SKAP1: variants seen among roughly 807,000 people sequenced by gnomAD.
SKAP1 encodes src kinase associated phosphoprotein 1, also known as src kinase-associated phosphoprotein 1.
A neutral mutation model predicts 58.5 loss-of-function variants in SKAP1; 44 were observed. The observed-to-expected ratio is 0.75, with a 90% CI of 0.59 to 0.97. The LOEUF is 0.97. Ranked by LOEUF, SKAP1 falls within the 50% of genes least tolerant of loss-of-function variation. SKAP1 has a pLI of 0.00. For synonymous variants in SKAP1, 127 were observed against 149.7 expected, an observed-to-expected ratio of 0.85 and a Z score of 1.11; for missense variants, 390 against 435.2, an observed-to-expected ratio of 0.90 and a Z score of 0.92.
intron 11 of SKAP1, among the ~76,000 whole-genome samples, chr17:48,155,230 C>T (rs974640287): frequency 4.0e-5 from 6 of 151,450 alleles, no homozygotes; most frequent in Non-Finnish European, 5.9e-5. Context: ...CGGGTTCAAG[C>T]GAGTCTCCTG....
At chr17:48,302,285 A>G (rs898555992) in intron 4 of SKAP1, among the ~76,000 whole-genome samples, 8 of 151,966 alleles carry the variant, frequency 5.3e-5, no homozygotes, top group African/African-American at 1.2e-4. Context: ...ATAATAATAT[A>G]TTGATAGGAC....
At chr17:48,354,987 A>G (rs1357180250) in intron 3 of SKAP1, among the ~76,000 whole-genome samples, 1 of 152,242 alleles carries the variant, frequency 6.6e-6, no homozygotes. Context: ...TAAAAATTCT[A>G]TGCTCAGAAA....
chr17:48,380,113 G>A (rs927944849), intron 2 of SKAP1: 1 of 152,222 alleles, frequency 6.6e-6, no homozygotes, highest in South Asian at 2.1e-4. Flanking sequence ...CCAGCTCTGT[G>A]GCTATATCAG....
intron 4 of SKAP1, among the ~76,000 whole-genome samples, chr17:48,194,312 A>T (rs1273849345): frequency 6.6e-6 from 1 of 152,200 alleles, no homozygotes; most frequent in African/African-American, 2.4e-5. Context: ...TCCCACCCAC[A>T]TCAAAAAAAG....
chr17:48,307,900 G>GAT (rs1042107682), intron 4 of SKAP1: 4 of 152,150 alleles, frequency 2.6e-5, no homozygotes, highest in Non-Finnish European at 4.4e-5. Flanking sequence ...AATATTTAGT[G>GAT]ATTGATATTT....
At chr17:48,435,636 T>C in the SKAP1 span, among the ~76,000 whole-genome samples, 1 of 152,240 alleles carries the variant, frequency 6.6e-6, no homozygotes, top group African/African-American at 2.4e-5. Flanking sequence ...TTTCTTTGGT[T>C]TCTTTTCATC....
chr17:48,331,267 AT>A (rs925213287), intron 4 of SKAP1, among the ~76,000 whole-genome samples: 2 of 152,156 alleles, frequency 1.3e-5, no homozygotes, highest in Non-Finnish European at 2.9e-5. Flanking sequence ...TATGATGTGG[AT>A]TTTTTAAAAA....
intron 4 of SKAP1, among the ~76,000 whole-genome samples, chr17:48,241,531 T>C (rs2065243698): frequency 6.6e-6 from 1 of 152,178 alleles, no homozygotes; most frequent in Non-Finnish European, 1.5e-5. Context: ...ATCATGCACA[T>C]TTGTGCCTCA....
intron 4 of SKAP1, 135 bp downstream of exon 4, chr17:48,345,770 T>C: frequency 3.2e-6 from 2 of 627,926 alleles, no homozygotes; most frequent in South Asian, 3.7e-5. Flanking sequence ...ATAGTTGTTC[T>C]TTGCAAACTA....
intron 2 of SKAP1, among the ~76,000 whole-genome samples, chr17:48,385,094 G>A (rs2067259686): frequency 6.6e-6 from 1 of 152,182 alleles, no homozygotes; most frequent in Non-Finnish European, 1.5e-5. Flanking sequence ...ATGAGAAAAA[G>A]GATGTGATCA....
chr17:48,372,343 G>A (rs2067098321), intron 2 of SKAP1, among the ~76,000 whole-genome samples: 1 of 151,712 alleles, frequency 6.6e-6, no homozygotes, highest in Non-Finnish European at 1.5e-5. Context: ...TTTTGCTCTT[G>A]TTGCCCAGGC....
At chr17:48,238,465 T>C (rs928683686) in intron 4 of SKAP1, among the ~76,000 whole-genome samples, 4 of 152,068 alleles carry the variant, frequency 2.6e-5, no homozygotes, top group African/African-American at 4.8e-5. Flanking sequence ...CAGTGGATGA[T>C]CACAGCTCAC....
chr17:48,275,518 G>T (rs1483388842), intron 4 of SKAP1, among the ~76,000 whole-genome samples: 2 of 152,074 alleles, frequency 1.3e-5, no homozygotes, highest in African/African-American at 4.8e-5. Context: ...TTAATACAAG[G>T]GATCTTAAAT....
At chr17:48,264,207 A>G (rs954037874) in intron 4 of SKAP1, among the ~76,000 whole-genome samples, 1 of 152,008 alleles carries the variant, frequency 6.6e-6, no homozygotes, top group African/African-American at 2.4e-5. Context: ...AATCAGCAAC[A>G]CTACTTTATA....
rs138458672 is a variant in SKAP1, at chr17:48,426,391, T to C, written c.46+3684A>G. Among the ~76,000 whole-genome samples, 20 of 152,340 alleles carry C rather than the reference T, an allele frequency of 1.3e-4. No homozygotes were observed. The East Asian group carries it at 3.9e-3, about 29-fold the overall frequency. On this transcript the variant is annotated intron_variant, in intron 1 of 12. Transcript: ENST00000336915. Reference sequence around the variant, plus strand: ...CTATCAGCTACCAGGGTAATGTCAGTAGGCCCCATTCCATCACACAGGACA... The same window carrying C: ...CTATCAGCTACCAGGGTAATGTCAGCAGGCCCCATTCCATCACACAGGACA...
chr17:48,179,944 G>T, intron 9 of SKAP1, 110 bp downstream of exon 9: 2 of 985,050 alleles, frequency 2.0e-6, no homozygotes, highest in Non-Finnish European at 3.0e-6. Context: ...CTCCTTCAGA[G>T]GATGAGGGTT....
At chr17:48,174,567 A>G (rs1048633348) in intron 9 of SKAP1, among the ~76,000 whole-genome samples, 1 of 152,226 alleles carries the variant, frequency 6.6e-6, no homozygotes, top group Non-Finnish European at 1.5e-5. Flanking sequence ...CTTGTTGCTC[A>G]CAAGAAGGGG....
intron 3 of SKAP1, among the ~76,000 whole-genome samples, chr17:48,349,607 A>G (rs762486915): frequency 9.2e-5 from 14 of 152,204 alleles, no homozygotes; most frequent in Non-Finnish European, 4.4e-5. Context: ...TTGCTCCTGT[A>G]GCCTAAGTGT....
chr17:48,144,098 G>A (rs2063800316), intron 11 of SKAP1, among the ~76,000 whole-genome samples: 1 of 152,156 alleles, frequency 6.6e-6, no homozygotes. Context: ...TCAACTCTCT[G>A]CCCTTCAAAA....
Sources: allele counts gnomAD v4.1 joint callset (sites outside exome capture counted in the v4.1 genomes callset), GRCh38; gene constraint gnomAD v4.1.1; transcripts MANE v1.5; gene names NCBI Gene and HGNC (gene_info 2026-07-23, HGNC 2026-07-21).